Variants in ZFYVE16 observed in about 807,000 individuals in gnomAD.
ZFYVE16 encodes the protein zinc finger FYVE-type containing 16.
A neutral mutation model predicts 138.1 loss-of-function variants in ZFYVE16; 89 were observed. The observed-to-expected ratio is 0.64, with a 90% CI of 0.54 to 0.77. ZFYVE16 has a LOEUF of 0.77. Ranked by LOEUF, ZFYVE16 falls within the 30% of genes least tolerant of loss-of-function variation. ZFYVE16 has a pLI of 0.00. For synonymous variants in ZFYVE16, 596 were observed against 618.3 expected (o/e 0.96, Z 0.53); for missense variants, 1,793 against 1,786.7 (o/e 1.00, Z -0.06).
At chr5:80,469,422 T>A (rs1046130000) in intron 15 of ZFYVE16, among the ~76,000 whole-genome samples, 1 of 151,662 alleles carries the variant, frequency 6.6e-6, no homozygotes, top group Non-Finnish European at 1.5e-5. Flanking sequence ...AAAAAAAAAA[T>A]TGTAAAGATG....
chr5:80,426,884 C>T (rs1339157309), intron 1 of ZFYVE16, among the ~76,000 whole-genome samples: 1 of 152,108 alleles, frequency 6.6e-6, no homozygotes, highest in Middle Eastern at 3.2e-3. Context: ...TAGAAGTGTT[C>T]CTATTTCTCC....
At chr5:80,421,240 G>T (rs1198058853) in intron 1 of ZFYVE16, among the ~76,000 whole-genome samples, 1 of 152,160 alleles carries the variant, frequency 6.6e-6, no homozygotes, top group Non-Finnish European at 1.5e-5. Context: ...CTCCCATTCT[G>T]TAGGTTGCCT....
intron 12 of ZFYVE16, 122 bp from the exon 13 acceptor site, chr5:80,456,339 A>C: frequency 1.3e-6 from 1 of 755,020 alleles, no homozygotes; most frequent in Non-Finnish European, 2.1e-6. Context: ...AATACTACAA[A>C]GTTTTTCCTG....
At chr5:80,430,970 C>T (rs1293680044) in intron 2 of ZFYVE16, among the ~76,000 whole-genome samples, 1 of 152,118 alleles carries the variant, frequency 6.6e-6, no homozygotes, top group Admixed American at 6.5e-5. Flanking sequence ...CAAAAAAGTC[C>T]AGGACAGGAC....
In ZFYVE16 at chr5:80,456,475, C is replaced by T; in HGVS notation, c.3705C>T (p.Tyr1235=). ...IMNLLVDLRN[Y]QYTLHNIDQL... ...ATTCTATGTAGGACCTTCGAAATTA[C>T]CAGTATACCTTGCATAATATAGATC... The change falls in exon 13 of 19, where the codon TAC becomes TAT. Residue 1235 remains tyrosine (Y), a synonymous_variant. Transcript: ENST00000505560. 1 of 1,611,516 alleles carries T rather than the reference C, an allele frequency of 6.2e-7. No homozygotes were observed. Among genetic ancestry groups the T allele is most frequent in the Non-Finnish European group, 8.5e-7 (1 of 1,178,722 alleles).
intron 5 of ZFYVE16, among the ~76,000 whole-genome samples, chr5:80,442,462 T>C (rs530896830): frequency 6.6e-6 from 1 of 152,302 alleles, no homozygotes; most frequent in African/African-American, 2.4e-5. Context: ...TAATATGACA[T>C]GTGAGCAGAG....
chr5:80,427,043 C>CTT (rs79193578), intron 1 of ZFYVE16, among the ~76,000 whole-genome samples: 4 of 144,630 alleles, frequency 2.8e-5, no homozygotes, highest in South Asian at 2.2e-4. Context: ...ATATAAATGT[C>CTT]TTTTTTTTTT....
chr5:80,467,003 C>T (rs2112525770), intron 15 of ZFYVE16, among the ~76,000 whole-genome samples: 1 of 152,276 alleles, frequency 6.6e-6, no homozygotes, highest in Non-Finnish European at 1.5e-5. Context: ...GTTGGAGCTC[C>T]TTCAAAAACT....
At position 80,437,367 on chromosome 5, in the gene ZFYVE16, A is replaced by C. The variant is rs755323770; in HGVS notation, c.682A>C (p.Lys228Gln). The change falls in exon 4 of 19, where the codon AAA becomes CAA. Residue 228 changes from lysine to glutamine, a missense_variant. Transcript: ENST00000505560. ...TAATTACAGTGGAACAGAAAATTTA[A>C]AAGATAAAAAGATCTTTAATCAGTT... The part of the protein sequence containing the change: ...SYNYSGTENL[K>Q]DKKIFNQLES... The C allele has an allele frequency of 6.2e-7, 1 of 1,603,736 alleles. No homozygotes were observed. Among genetic ancestry groups the C allele is most frequent in the Non-Finnish European group, 8.5e-7 (1 of 1,176,414 alleles).
chr5:80,415,409 A>G (rs1017816050), intron 1 of ZFYVE16, among the ~76,000 whole-genome samples: 25 of 152,286 alleles, frequency 1.6e-4, no homozygotes, highest in Middle Eastern at 3.4e-3. Flanking sequence ...TTTCTGTTCC[A>G]GGATCCCATC....
chr5:80,453,287 G>C (rs1752175987), intron 11 of ZFYVE16, among the ~76,000 whole-genome samples: 1 of 152,168 alleles, frequency 6.6e-6, no homozygotes. Flanking sequence ...GTGAAACAAA[G>C]AGCTTAAGAA....
chr5:80,464,910 C>T (rs1490501676), intron 15 of ZFYVE16, among the ~76,000 whole-genome samples: 1 of 152,104 alleles, frequency 6.6e-6, no homozygotes, highest in Non-Finnish European at 1.5e-5. Flanking sequence ...AATCTAATTT[C>T]CATAGTATAT....
intron 3 of ZFYVE16, among the ~76,000 whole-genome samples, chr5:80,436,540 A>T (rs934322668): frequency 1.3e-5 from 2 of 152,246 alleles, no homozygotes; most frequent in Non-Finnish European, 2.9e-5. Context: ...TAGTTAATTG[A>T]AACAGCCAAT....
chr5:80,448,507 A>G lies in ZFYVE16; in HGVS notation c.3103+103A>G, dbSNP rs528318695. On this transcript the variant is annotated intron_variant, in intron 8 of 18. Coordinates refer to ENST00000505560, the MANE Select transcript of ZFYVE16 (RefSeq NM_001284236.3). The stretch of plus-strand genomic sequence containing the variant: ...ATTTTTTTAACTTAGTTTGGTTGCA[A>G]TATGTACTAAGGCTGGTAACTTTTG... 7.5e-5 allele frequency: 87 copies of G among 1,159,124 alleles called. No individual in the cohort carries two copies. The African/African-American group carries it at 1.1e-3, about 14-fold the overall frequency. 71.8% of individuals were successfully genotyped at this position (1,159,124 alleles called of 1,614,324 possible).
chr5:80,421,592 A>AG (rs1747187444), intron 1 of ZFYVE16, among the ~76,000 whole-genome samples: 1 of 152,164 alleles, frequency 6.6e-6, no homozygotes, highest in Admixed American at 6.5e-5. Context: ...TTTGTCAAAG[A>AG]TCAGATGGTT....
At chr5:80,469,377 A>T (rs1366106300) in intron 15 of ZFYVE16, among the ~76,000 whole-genome samples, 3 of 151,352 alleles carry the variant, frequency 2.0e-5, no homozygotes, top group African/African-American at 7.3e-5. Context: ...AGTAGTTGGG[A>T]CTACAAGCAC....
intron 1 of ZFYVE16, among the ~76,000 whole-genome samples, chr5:80,427,086 A>G (rs1748193039): frequency 6.7e-6 from 1 of 148,746 alleles, no homozygotes; most frequent in African/African-American, 2.5e-5. Context: ...GTCTCGCTAT[A>G]TTGCCCAGGC....
chr5:80,464,615 A>C lies in ZFYVE16; in HGVS notation c.4024+5121A>C, dbSNP rs75726749. 9.2e-3 allele frequency among the ~76,000 whole-genome samples: 1,395 copies of C among 152,226 alleles called. 24 individuals are homozygous for C. Among genetic ancestry groups the C allele is most frequent in the African/African-American group, 0.033 (1,361 of 41,532 alleles). The stretch of plus-strand genomic sequence containing the variant: ...ACATTGTTCATAGTATTCCCTTATA[A>C]TCCTTTATTTCTGTGAGGTTGGTAG... On this transcript the variant is annotated intron_variant, in intron 15 of 18. Coordinates refer to ENST00000505560, the MANE Select transcript of ZFYVE16 (RefSeq NM_001284236.3).
chr5:80,442,170 C>T (rs1350220498), intron 5 of ZFYVE16, among the ~76,000 whole-genome samples: 1 of 152,014 alleles, frequency 6.6e-6, no homozygotes, highest in African/African-American at 2.4e-5. Context: ...GTGGTGTGAT[C>T]TCAGCTCACT....
Sources: gnomAD v4.1 joint callset for allele counts (sites outside exome capture counted in the v4.1 genomes callset) on GRCh38, gnomAD v4.1.1 for gene constraint, MANE v1.5 for transcripts, NCBI Gene and HGNC (gene_info 2026-07-23, HGNC 2026-07-21) for gene names.